DPF3: variants seen among roughly 807,000 people sequenced by gnomAD.
DPF3 encodes zinc finger protein DPF3.
DPF3 carries 18 observed loss-of-function variants against 56.8 expected under a neutral mutation model. The observed-to-expected ratio is 0.32, with a 90% CI of 0.22 to 0.47. The LOEUF (loss-of-function observed/expected upper bound fraction) is 0.47, where lower values mean the gene tolerates loss of function less well. DPF3 is among the 20% of genes least tolerant of loss of function. The pLI is 1.00. For synonymous variants in DPF3, 188 were observed against 180.2 expected (o/e 1.04, Z -0.35); for missense variants, 403 against 488.8 (o/e 0.82, Z 1.65).
At chr14:72,723,767 A>C (rs371917241) in intron 4 of DPF3, 39 bp from the exon 5 acceptor site, 29 of 1,539,516 alleles carry the variant, frequency 1.9e-5, no homozygotes, top group Admixed American at 2.1e-5. Flanking sequence ...TGAGAAACGA[A>C]ATGCAAAGGG....
intron 1 of DPF3, among the ~76,000 whole-genome samples, chr14:72,865,771 G>A (rs1885636406): frequency 6.6e-6 from 1 of 152,204 alleles, no homozygotes; most frequent in African/African-American, 2.4e-5. Context: ...ACTAGGCCGG[G>A]TGCATCGGCT....
intron 1 of DPF3, among the ~76,000 whole-genome samples, chr14:72,850,402 A>G (rs1342581403): frequency 6.6e-6 from 1 of 152,172 alleles, no homozygotes; most frequent in East Asian, 1.9e-4. Flanking sequence ...ACACGCCCAC[A>G]GCAGTGCCTC....
chr14:72,789,822 C>G (rs974666813), intron 1 of DPF3, among the ~76,000 whole-genome samples: 28 of 152,170 alleles, frequency 1.8e-4, no homozygotes, highest in African/African-American at 6.0e-4. Context: ...AGGCATGAGC[C>G]TGGGTGCACC....
chr14:72,714,385 C>T, intron 6 of DPF3, 38 bp downstream of exon 6: 3 of 1,610,400 alleles, frequency 1.9e-6, no homozygotes, highest in Middle Eastern at 3.3e-4. Context: ...GGGGCAGGCG[C>T]ACAGGGAGGA....
chr14:72,711,261 C>CT (rs1872219708), intron 6 of DPF3, among the ~76,000 whole-genome samples: 1 of 152,130 alleles, frequency 6.6e-6, no homozygotes, highest in Non-Finnish European at 1.5e-5. Flanking sequence ...GACGGCAAAT[C>CT]TGTGGAGAAT....
At chr14:72,795,301 T>A (rs201201838) in intron 1 of DPF3, among the ~76,000 whole-genome samples, 34 of 142,140 alleles carry the variant, frequency 2.4e-4, no homozygotes, top group African/African-American at 8.5e-4. Flanking sequence ...AAAAAATATA[T>A]ATATATATAT....
At chr14:72,828,540 A>AAAAAAAACAAAAAAAAAAAC (rs1201983667) in intron 1 of DPF3, among the ~76,000 whole-genome samples, 1 of 151,056 alleles carries the variant, frequency 6.6e-6, no homozygotes, top group African/African-American at 2.4e-5. Context: ...CATGTCTTAA[A>AAAAAAAACAAAAAAAAAAAC]AAAAAAAAAA....
intron 2 of DPF3, among the ~76,000 whole-genome samples, chr14:72,765,531 T>C (rs879833349): frequency 6.6e-6 from 1 of 152,210 alleles, no homozygotes; most frequent in Non-Finnish European, 1.5e-5. Context: ...GGTGAATGGA[T>C]AAATTAACTG....
At chr14:72,738,242 A>T in intron 3 of DPF3, among the ~76,000 whole-genome samples, 1 of 151,332 alleles carries the variant, frequency 6.6e-6, no homozygotes, top group Admixed American at 6.6e-5. Flanking sequence ...GCTGCCTTTG[A>T]CTCCCTGTTT....
chr14:72,841,987 T>C (rs1884560960), intron 1 of DPF3, among the ~76,000 whole-genome samples: 1 of 151,190 alleles, frequency 6.6e-6, no homozygotes, highest in Non-Finnish European at 1.5e-5. Context: ...TTCAGGAGGC[T>C]GAGGTAGGAG....
intron 5 of DPF3, among the ~76,000 whole-genome samples, chr14:72,722,913 C>T (rs1889240030): frequency 6.6e-6 from 1 of 152,104 alleles, no homozygotes; most frequent in African/African-American, 2.4e-5. Flanking sequence ...TTGTCCCATC[C>T]GAGGACCCCT....
intron 1 of DPF3, among the ~76,000 whole-genome samples, chr14:72,871,067 C>G (rs1009073962): frequency 6.6e-6 from 1 of 152,200 alleles, no homozygotes; most frequent in Non-Finnish European, 1.5e-5. Flanking sequence ...GAAGCAGAAG[C>G]AGAAACCCCA....
At chr14:72,706,369 G>C (rs926140696) in intron 6 of DPF3, among the ~76,000 whole-genome samples, 3 of 152,066 alleles carry the variant, frequency 2.0e-5, no homozygotes, top group Non-Finnish European at 4.4e-5. Flanking sequence ...ATTAAATACC[G>C]CCCCGGCAGT....
chr14:72,636,230 C>G (rs1294382783), intron 8 of DPF3, among the ~76,000 whole-genome samples: 1 of 152,200 alleles, frequency 6.6e-6, no homozygotes, highest in South Asian at 2.1e-4. Flanking sequence ...AAATAGTTCT[C>G]TATATTCTCA....
chr14:72,862,029 C>T (rs1885459575), intron 1 of DPF3, among the ~76,000 whole-genome samples: 1 of 152,182 alleles, frequency 6.6e-6, no homozygotes, highest in Non-Finnish European at 1.5e-5. Flanking sequence ...GAAATATCCT[C>T]ATCACCTAGC....
chr14:72,634,047 G>C (rs557499029), intron 8 of DPF3, among the ~76,000 whole-genome samples: 1 of 152,144 alleles, frequency 6.6e-6, no homozygotes. Context: ...CGAAGCAAGG[G>C]AGCTAAGTTC....
At chr14:72,652,904 A>G (rs1242498182) in intron 8 of DPF3, among the ~76,000 whole-genome samples, 2 of 152,132 alleles carry the variant, frequency 1.3e-5, no homozygotes, top group East Asian at 3.9e-4. Context: ...AGAGGTGGGT[A>G]GGGTGGGAAG....
At chr14:72,744,250 A>G (rs2139882865) in intron 3 of DPF3, among the ~76,000 whole-genome samples, 1 of 152,232 alleles carries the variant, frequency 6.6e-6, no homozygotes, top group South Asian at 2.1e-4. Flanking sequence ...CCAGGAACAA[A>G]TGACTCGATG....
chr14:72,782,910 G>C (rs1892044426), intron 1 of DPF3, among the ~76,000 whole-genome samples: 1 of 151,930 alleles, frequency 6.6e-6, no homozygotes, highest in Admixed American at 6.6e-5. Context: ...ACTGCACTCA[G>C]AGCAAAATCC....
Sources: allele counts gnomAD v4.1 joint callset (sites outside exome capture counted in the v4.1 genomes callset), GRCh38; gene constraint gnomAD v4.1.1; transcripts MANE v1.5; gene names NCBI Gene and HGNC (gene_info 2026-07-23, HGNC 2026-07-21).